The following HECTD4 variants were observed in gnomAD, a reference collection of about 807,000 sequenced individuals.
The protein encoded by HECTD4 is HECT domain E3 ubiquitin protein ligase 4.
In HECTD4, 114 loss-of-function variants were observed where a neutral mutation model predicts 471.5. The ratio of observed to expected loss-of-function variants is 0.24; its 90% CI spans 0.21 to 0.28. The LOEUF is 0.28. Ranked by LOEUF, HECTD4 falls within the 10% of genes least tolerant of loss-of-function variation. The pLI is 1.00. For synonymous variants in HECTD4, 2,012 were observed against 2,256.0 expected, an observed-to-expected ratio of 0.89 and a Z score of 3.07; for missense variants, 3,866 against 5,651.5, an observed-to-expected ratio of 0.68 and a Z score of 10.13.
At chr12:112,342,972 T>C (rs2135728157) in intron 1 of HECTD4, among the ~76,000 whole-genome samples, 1 of 152,322 alleles carries the variant, frequency 6.6e-6, no homozygotes, top group Non-Finnish European at 1.5e-5. Flanking sequence ...CTGATGCACA[T>C]GTAATTTACA....
In HECTD4 at chr12:112,243,756, C is replaced by T. The variant is rs779647953; in HGVS notation, c.4655G>A (p.Arg1552His). Reference protein sequence around the residue: ...LEFTRANQRRRHVTSHRSSSF... With the variant: ...LEFTRANQRRHHVTSHRSSSF... ...GCTGCTGCGGTGGCTGGTCACGTGG[C>T]GACGCCTACGGGGAACACAGAACAG... The change falls in exon 31 of 76, where the codon CGC becomes CAC. Residue 1552 changes from arginine (R) to histidine (H), a missense_variant. Coordinates refer to ENST00000682272, the MANE Select transcript of HECTD4 (RefSeq NM_001388303.1). This position sits in a 1 kb window ranked among gnomAD's most constrained non-coding sequence, Gnocchi z 6.6. 4.3e-6 allele frequency: 7 copies of T among 1,613,098 alleles called. No individual in the cohort carries two copies. The highest frequency in any genetic ancestry group is 1.1e-5 in the South Asian group (1 of 90,944).
In HECTD4 at chr12:112,323,970, C is replaced by CT. The variant is rs1384371092; in HGVS notation, c.178-4229dup. On this transcript the variant is annotated intron_variant, in intron 1 of 75. Coordinates refer to ENST00000682272, the MANE Select transcript of HECTD4 (RefSeq NM_001388303.1). ...TGCTTCTTTCTTTCTTTCTTTCTTC[C>CT]TTCCTTCCTTCCTTCCTTCCTTCCT... Among the ~76,000 whole-genome samples, 6 of 16,800 alleles carry CT rather than the reference C, an allele frequency of 3.6e-4. No individual in the cohort carries two copies. In the South Asian group the frequency reaches 9.9e-3, roughly 28 times the overall value. 11.0% of individuals were successfully genotyped at this position (16,800 alleles called of 152,430 possible). A position where few individuals can be genotyped will look rare whatever the true frequency, so the allele number is the denominator to read the frequency against.
At chr12:112,240,663 C>A (rs1372491757) in intron 32 of HECTD4, among the ~76,000 whole-genome samples, 1 of 151,946 alleles carries the variant, frequency 6.6e-6, no homozygotes. Context: ...GTTGCCCAGG[C>A]TGGTTTCAAT....
At position 112,235,393 on chromosome 12, in the gene HECTD4, C is replaced by T; in HGVS notation, c.5725+111G>A. On this transcript the variant is annotated intron_variant, in intron 36 of 75. Transcript: ENST00000682272. This position sits in a 1 kb window ranked among gnomAD's most constrained non-coding sequence, Gnocchi z 5.0. ...CCCTTCTCTATTCCTGTCCCCGCTC[C>T]CTTCTCTGTCACTCACTCTTTCATC... The T allele has an allele frequency of 6.7e-7, 1 of 1,483,680 alleles. No homozygotes were observed. Among genetic ancestry groups the T allele is most frequent in the Non-Finnish European group, 9.1e-7 (1 of 1,099,820 alleles). 91.9% of individuals were successfully genotyped at this position (1,483,680 alleles called of 1,614,324 possible).
intron 55 of HECTD4, among the ~76,000 whole-genome samples, chr12:112,197,098 G>C (rs1399690292): frequency 6.6e-6 from 1 of 152,052 alleles, no homozygotes; most frequent in Admixed American, 6.6e-5. Context: ...GCCCAGCCAA[G>C]ACAGGGTCTC....
chr12:112,282,818 C>G (rs1173965411), intron 8 of HECTD4, among the ~76,000 whole-genome samples: 1 of 152,162 alleles, frequency 6.6e-6, no homozygotes, highest in Non-Finnish European at 1.5e-5. Flanking sequence ...TTCTCATTCA[C>G]AAAGCATACG....
In HECTD4 at chr12:112,267,136, G is replaced by A. The variant is rs571168435; in HGVS notation, c.2322-154C>T. ...CCCCATTGATCGCTGGGGTTGATTC[G>A]GCTGATCTGGCTGGCTAGGCAGGTG... On this transcript the variant is annotated intron_variant, in intron 13 of 75. Coordinates refer to ENST00000682272, the MANE Select transcript of HECTD4 (RefSeq NM_001388303.1). 58 of 594,278 alleles carry A rather than the reference G, an allele frequency of 9.8e-5. 1 individual carries two copies. The highest frequency in any genetic ancestry group is 7.5e-4 in the African/African-American group (40 of 53,444). 36.8% of individuals were successfully genotyped at this position (594,278 alleles called of 1,614,324 possible).
At position 112,381,008 on chromosome 12, in the gene HECTD4, G is replaced by A. The variant is rs553254626; in HGVS notation, c.177+944C>T. On this transcript the variant is annotated intron_variant, in intron 1 of 75. Coordinates refer to ENST00000682272, the MANE Select transcript of HECTD4 (RefSeq NM_001388303.1). The surrounding 1 kb of genome is among the most constrained non-coding windows in gnomAD (Gnocchi z 4.1). ...CTCCTTACGGCAGTAAAAATTTGAT[G>A]ACACCCCATGCTACCTACACATCAA... is the stretch of plus-strand genomic sequence containing the variant. Among the ~76,000 whole-genome samples the A allele has an allele frequency of 2.7e-4, 41 of 152,188 alleles. No individual in the cohort carries two copies. Among genetic ancestry groups the A allele is most frequent in the South Asian group, 2.1e-3 (10 of 4,814 alleles).
intron 1 of HECTD4, among the ~76,000 whole-genome samples, chr12:112,339,933 C>T (rs1367799844): frequency 6.6e-6 from 1 of 151,910 alleles, no homozygotes; most frequent in African/African-American, 2.4e-5. Flanking sequence ...CCTGTAATCC[C>T]AGCTACTTGG....
intron 72 of HECTD4, among the ~76,000 whole-genome samples, chr12:112,164,623 C>CTT (rs1167611597): frequency 2.1e-5 from 3 of 143,566 alleles, no homozygotes; most frequent in Admixed American, 7.0e-5. Context: ...ATTATGCTTG[C>CTT]TTTTTTTTTT....
At chr12:112,366,548 A>C (rs1246213397) in intron 1 of HECTD4, among the ~76,000 whole-genome samples, 1 of 151,878 alleles carries the variant, frequency 6.6e-6, no homozygotes, top group Non-Finnish European at 1.5e-5. Flanking sequence ...TTTTTGAAAA[A>C]ATTGCCTGTT....
intron 1 of HECTD4, among the ~76,000 whole-genome samples, chr12:112,344,206 C>G (rs1351694714): frequency 6.6e-6 from 1 of 152,164 alleles, no homozygotes; most frequent in Admixed American, 6.6e-5. Context: ...CTGTAAGGGA[C>G]AACTTTTAGA....
In HECTD4 at chr12:112,167,755, C is replaced by G; in HGVS notation, c.12312+59G>C. 3 of 1,450,404 alleles carry G rather than the reference C, an allele frequency of 2.1e-6. No homozygotes were observed. The South Asian group carries it at 3.4e-5, about 17-fold the overall frequency. 89.8% of individuals were successfully genotyped at this position (1,450,404 alleles called of 1,614,324 possible). A position where few individuals can be genotyped will look rare whatever the true frequency, so the allele number is the denominator to read the frequency against. ...ATGAGACACACACTGCCCGCCACCC[C>G]AGCCACTGCGCAGGACATGAGCTCG... On this transcript the variant is annotated intron_variant, in intron 71 of 75. Coordinates refer to ENST00000682272, the MANE Select transcript of HECTD4 (RefSeq NM_001388303.1).
intron 7 of HECTD4, among the ~76,000 whole-genome samples, chr12:112,296,542 A>AG (rs2035020610): frequency 6.6e-6 from 1 of 151,460 alleles, no homozygotes; most frequent in Admixed American, 6.6e-5. Context: ...ATGTAGGTGC[A>AG]TTGGACGTAG....
At chr12:112,363,258 G>T (rs992786572) in intron 1 of HECTD4, among the ~76,000 whole-genome samples, 1 of 151,584 alleles carries the variant, frequency 6.6e-6, no homozygotes, top group African/African-American at 2.4e-5. Context: ...ATACACACAA[G>T]CATACACACA....
chr12:112,259,095 C>T lies in HECTD4; in HGVS notation c.3027+17G>A. ...TTGGCCAAAAAGCAGTTCACTTTGG[C>T]ACACCAAGGATCATACCTGGCTGGT... On this transcript the variant is annotated intron_variant, in intron 19 of 75. Transcript: ENST00000682272. 3 of 1,582,266 alleles carry T rather than the reference C, an allele frequency of 1.9e-6. No homozygotes were observed. The highest frequency in any genetic ancestry group is 2.6e-6 in the Non-Finnish European group (3 of 1,169,868).
At chr12:112,212,772 T>C in intron 48 of HECTD4, 122 bp from the exon 49 acceptor site, 1 of 687,970 alleles carries the variant, frequency 1.5e-6, no homozygotes, top group Non-Finnish European at 2.3e-6. Flanking sequence ...ACTTCTGAAA[T>C]GGACATGAAG....
intron 68 of HECTD4, 89 bp from the exon 69 acceptor site, chr12:112,170,541 G>C: frequency 6.6e-7 from 1 of 1,512,576 alleles, no homozygotes; most frequent in Non-Finnish European, 8.9e-7. Flanking sequence ...CCCTGGGTGT[G>C]GCACTCTCAG....
At chr12:112,208,724 T>A (rs1042793531) in intron 50 of HECTD4, 94 bp from the exon 51 acceptor site, 1 of 1,168,590 alleles carries the variant, frequency 8.6e-7, no homozygotes, top group African/African-American at 1.5e-5. Context: ...TTATCTTAAT[T>A]TGCATGATAG....
Sources: allele counts gnomAD v4.1 joint callset (sites outside exome capture counted in the v4.1 genomes callset), GRCh38; gene constraint gnomAD v4.1.1; non-coding constraint Gnocchi (gnomAD v3.1); transcripts MANE v1.5; gene names NCBI Gene and HGNC (gene_info 2026-07-23, HGNC 2026-07-21).